The following CCDC192 variants were observed in gnomAD, a reference collection of about 807,000 sequenced individuals.
CCDC192 encodes coiled-coil domain containing 192, also known as coiled-coil domain-containing protein 192.
At chr5:127,739,194 AG>A (rs1753235003) in intron 2 of CCDC192, among the ~76,000 whole-genome samples, 1 of 152,012 alleles carries the variant, frequency 6.6e-6, no homozygotes, top group South Asian at 2.1e-4. Flanking sequence ...CTGCCGTGTG[AG>A]GTGTCAGTGT....
chr5:127,733,107 C>T (rs925588133), intron 2 of CCDC192, among the ~76,000 whole-genome samples: 44 of 152,228 alleles, frequency 2.9e-4, no homozygotes, highest in Admixed American at 1.6e-3. Context: ...AGGCTGTGCC[C>T]TCCCCACTTG....
At chr5:127,721,526 C>T (rs899341547) in intron 2 of CCDC192, among the ~76,000 whole-genome samples, 3 of 152,208 alleles carry the variant, frequency 2.0e-5, no homozygotes, top group Non-Finnish European at 4.4e-5. Flanking sequence ...AACTTTCCCT[C>T]ATCTTTCTGT....
At chr5:127,849,798 C>T (rs1750718589) in intron 5 of CCDC192, among the ~76,000 whole-genome samples, 1 of 152,204 alleles carries the variant, frequency 6.6e-6, no homozygotes, top group South Asian at 2.1e-4. Context: ...TCAAGACTTA[C>T]AGCTCAGGAT....
chr5:127,863,706 A>G (rs537621123), intron 5 of CCDC192, among the ~76,000 whole-genome samples: 3 of 152,332 alleles, frequency 2.0e-5, no homozygotes, highest in East Asian at 3.9e-4. Flanking sequence ...ATTTTATGTT[A>G]TGCACTTTAA....
intron 5 of CCDC192, among the ~76,000 whole-genome samples, chr5:127,849,853 G>A (rs2127081624): frequency 6.6e-6 from 1 of 152,298 alleles, no homozygotes; most frequent in Non-Finnish European, 1.5e-5. Context: ...TCTCAGGATA[G>A]GACTCAGAAA....
intron 2 of CCDC192, among the ~76,000 whole-genome samples, chr5:127,753,586 G>T (rs1427186069): frequency 1.3e-5 from 2 of 151,936 alleles, no homozygotes; most frequent in African/African-American, 4.8e-5. Context: ...ATCTCCAGGG[G>T]CTGAGACAGG....
Position 127,806,745 on chromosome 5 carries a change from A to G in CCDC192, c.411+8583A>G, listed in dbSNP as rs148946146. 3.0e-3 allele frequency among the ~76,000 whole-genome samples: 459 copies of G among 152,298 alleles called. 2 individuals carry two copies. The highest frequency in any genetic ancestry group is 0.01 in the African/African-American group (424 of 41,564). ...CATTTCTCTATATAAAACTCCAGCC[A>G]TTGAGGCTCACCCAGAACTCATCCT... is the stretch of plus-strand genomic sequence containing the variant. On this transcript the variant is annotated intron_variant, in intron 5 of 6. Coordinates refer to ENST00000514853, the MANE Select transcript of CCDC192 (RefSeq NM_001317938.2).
At chr5:127,887,682 A>T (rs1234193539) in intron 6 of CCDC192, among the ~76,000 whole-genome samples, 1 of 151,896 alleles carries the variant, frequency 6.6e-6, no homozygotes, top group South Asian at 2.1e-4. Context: ...TGTAACATTA[A>T]TTAATTCATA....
At chr5:127,800,140 A>G (rs1414414726) in intron 5 of CCDC192, among the ~76,000 whole-genome samples, 1 of 151,910 alleles carries the variant, frequency 6.6e-6, no homozygotes, top group African/African-American at 2.4e-5. Context: ...TGAGGTATCA[A>G]ATGGTGTTTA....
intron 3 of CCDC192, among the ~76,000 whole-genome samples, chr5:127,756,766 A>G (rs1047642637): frequency 6.6e-6 from 1 of 152,242 alleles, no homozygotes; most frequent in Admixed American, 6.5e-5. Flanking sequence ...ATTTTGTTTC[A>G]GAGTCAAACC....
intron 6 of CCDC192, among the ~76,000 whole-genome samples, chr5:127,906,263 G>A (rs532031329): frequency 3.9e-5 from 6 of 152,220 alleles, no homozygotes; most frequent in African/African-American, 7.2e-5. Flanking sequence ...TCCTACAGGT[G>A]GAATCACACA....
intron 6 of CCDC192, among the ~76,000 whole-genome samples, chr5:127,900,210 A>C (rs569740490): frequency 2.0e-4 from 30 of 152,204 alleles, no homozygotes; most frequent in Non-Finnish European, 3.7e-4. Context: ...TTGTTGAAAA[A>C]AAATATGGAA....
chr5:127,822,006 A>C (rs896263007), intron 5 of CCDC192, among the ~76,000 whole-genome samples: 2 of 152,230 alleles, frequency 1.3e-5, no homozygotes, highest in Non-Finnish European at 2.9e-5. Flanking sequence ...CAGGTTAGTA[A>C]CTACTGAACT....
At chr5:127,831,291 T>C (rs1749784062) in intron 5 of CCDC192, among the ~76,000 whole-genome samples, 1 of 150,988 alleles carries the variant, frequency 6.6e-6, no homozygotes, top group African/African-American at 2.5e-5. Context: ...ACATTTAAAA[T>C]CAAGTCTGTA....
chr5:127,881,162 TAAA>T (rs1266924745), intron 6 of CCDC192, among the ~76,000 whole-genome samples: 1 of 152,084 alleles, frequency 6.6e-6, no homozygotes, highest in African/African-American at 2.4e-5. Flanking sequence ...GACCCCATGA[TAAA>T]TAGAGAGTGA....
At position 127,890,453 on chromosome 5, in the gene CCDC192, T is replaced by TTA. The variant is rs763447630; in HGVS notation, c.535+14792_535+14793insTA. Among the ~76,000 whole-genome samples, 7 of 135,956 alleles carry TTA rather than the reference T, an allele frequency of 5.1e-5. No individual in the cohort carries two copies. In the South Asian group the frequency reaches 1.7e-3, roughly 32 times the overall value. The allele number at this position is 135,956 out of a possible 152,430, so 89.2% of individuals were successfully genotyped here. On this transcript the variant is annotated intron_variant, in intron 6 of 6. Coordinates refer to ENST00000514853, the MANE Select transcript of CCDC192 (RefSeq NM_001317938.2). ...GAATGGCAGTGAGAGACCCTGTATTTAAAAAAAAAAAAAAAAAGGCTTAGG... is the reference window on the plus strand; with the variant it reads ...GAATGGCAGTGAGAGACCCTGTATTTTAAAAAAAAAAAAAAAAAAGGCTTAGG...
At chr5:127,928,461 C>T (rs1753925603) in intron 6 of CCDC192, among the ~76,000 whole-genome samples, 1 of 152,204 alleles carries the variant, frequency 6.6e-6, no homozygotes, top group Non-Finnish European at 1.5e-5. Context: ...CCCTACTTCC[C>T]TTTTATCATC....
At chr5:127,764,341 A>T (rs894315536) in intron 3 of CCDC192, among the ~76,000 whole-genome samples, 4 of 152,216 alleles carry the variant, frequency 2.6e-5, no homozygotes, top group African/African-American at 9.6e-5. Context: ...AGACAGAGAC[A>T]AGATATATTT....
At chr5:127,924,376 G>A (rs919929055) in intron 6 of CCDC192, among the ~76,000 whole-genome samples, 1 of 152,182 alleles carries the variant, frequency 6.6e-6, no homozygotes, top group Non-Finnish European at 1.5e-5. Flanking sequence ...AACACTGGGA[G>A]GGTCATCTTG....
Sources: gnomAD v4.1 joint callset for allele counts (sites outside exome capture counted in the v4.1 genomes callset) on GRCh38, gnomAD v4.1.1 for gene constraint, MANE v1.5 for transcripts, NCBI Gene and HGNC (gene_info 2026-07-23, HGNC 2026-07-21) for gene names.